Variants in MED31 observed in about 807,000 individuals in gnomAD.
MED31 encodes the protein mediator of RNA polymerase II transcription subunit 31.
MED31 carries 11 observed loss-of-function variants against 22.0 expected under a neutral mutation model. The observed-to-expected ratio is 0.50, with a 90% CI of 0.31 to 0.83. The LOEUF is 0.83. Among genes scored for constraint, MED31 ranks in the 40% least tolerant of loss-of-function variants. The pLI, the probability that MED31 is intolerant of heterozygous loss-of-function variation, is 0.04. For synonymous variants in MED31, 60 were observed against 55.1 expected (o/e 1.09, Z -0.40); for missense variants, 122 against 155.3 (o/e 0.79, Z 1.14).
Position 6,643,806 on chromosome 17 carries a change from G to A in MED31, c.*661C>T. On this transcript the variant is annotated 3_prime_UTR_variant, in exon 4 of 4. Transcript: ENST00000225728. Reference sequence around the variant, plus strand: ...CAAATCAATGGTAGCTTTCCCAAATGAACACAAGTATTTGAGGCTCCTCAT... The same window carrying A: ...CAAATCAATGGTAGCTTTCCCAAATAAACACAAGTATTTGAGGCTCCTCAT... 1 of 281,748 alleles carries A rather than the reference G, an allele frequency of 3.5e-6. No homozygotes were observed. Among genetic ancestry groups the A allele is most frequent in the Non-Finnish European group, 6.6e-6 (1 of 152,318 alleles). The allele number at this position is 281,748 out of a possible 1,614,324, so 17.5% of individuals were successfully genotyped here.
intron 2 of MED31, 74 bp downstream of exon 2, chr17:6,650,282 C>A: frequency 6.9e-7 from 1 of 1,448,552 alleles, no homozygotes; most frequent in South Asian, 1.2e-5. Flanking sequence ...AAAGTAGATA[C>A]TATTTTGAAC....
At position 6,643,881 on chromosome 17, in the gene MED31, T is replaced by G. The variant is rs748091607; in HGVS notation, c.*586A>C. On this transcript the variant is annotated 3_prime_UTR_variant, in exon 4 of 4. Coordinates refer to ENST00000225728, the MANE Select transcript of MED31 (RefSeq NM_016060.3). ...GTTAGTAACTAACCACTAGTTGTCC[T>G]GCCATGACTAGGTCAAGTGAGGCCA... 6 of 379,506 alleles carry G rather than the reference T, an allele frequency of 1.6e-5. No individual in the cohort carries two copies. Among genetic ancestry groups the G allele is most frequent in the African/African-American group, 2.1e-5 (1 of 48,200 alleles). The allele number at this position is 379,506 out of a possible 1,614,324, so 23.5% of individuals were successfully genotyped here. A position where few individuals can be genotyped will look rare whatever the true frequency, so the allele number is the denominator to read the frequency against.
At chr17:6,649,607 A>C (rs983649109) in intron 3 of MED31, among the ~76,000 whole-genome samples, 1 of 152,254 alleles carries the variant, frequency 6.6e-6, no homozygotes, top group African/African-American at 2.4e-5. Context: ...GCCAGATCGT[A>C]TAAGGCTTTA....
At chr17:6,648,509 C>T (rs1972789923) in intron 3 of MED31, among the ~76,000 whole-genome samples, 1 of 152,200 alleles carries the variant, frequency 6.6e-6, no homozygotes, top group Non-Finnish European at 1.5e-5. Context: ...TCTATGGTTA[C>T]TAGATCTTCC....
intron 3 of MED31, among the ~76,000 whole-genome samples, chr17:6,644,888 A>G (rs1318760307): frequency 3.3e-5 from 5 of 152,260 alleles, no homozygotes; most frequent in Non-Finnish European, 7.3e-5. Flanking sequence ...TAACTTGCTC[A>G]AGACCACACA....
rs2150947301 is a variant in MED31, at chr17:6,644,200, C to T, written c.*267G>A. The T allele has an allele frequency of 2.1e-6, 1 of 478,186 alleles. No individual in the cohort carries two copies. The highest frequency in any genetic ancestry group is 3.3e-5 in the East Asian group (1 of 30,362). The allele number at this position is 478,186 out of a possible 1,614,324, so 29.6% of individuals were successfully genotyped here. ...CCAGTGCCTTATTTGGTCTAAAGCACCTAACTTTTCCATTCTTAATCAGCT... is the reference window on the plus strand; with the variant it reads ...CCAGTGCCTTATTTGGTCTAAAGCATCTAACTTTTCCATTCTTAATCAGCT... On this transcript the variant is annotated 3_prime_UTR_variant, in exon 4 of 4. Transcript: ENST00000225728.
At chr17:6,645,445 C>T (rs1383198642) in intron 3 of MED31, among the ~76,000 whole-genome samples, 1 of 152,066 alleles carries the variant, frequency 6.6e-6, no homozygotes, top group Non-Finnish European at 1.5e-5. Flanking sequence ...ACTGTGGTTT[C>T]CAAGGAGCAG....
Position 6,650,136 on chromosome 17 carries a change from G to C in MED31, c.107-58C>G, listed in dbSNP as rs72835786. The C allele has an allele frequency of 0.099, 146,035 of 1,480,552 alleles. 7,839 individuals carry two copies. The highest frequency in any genetic ancestry group is 0.12 in the African/African-American group (8,408 of 70,112). The allele number at this position is 1,480,552 out of a possible 1,614,324, so 91.7% of individuals were successfully genotyped here. ...CAAACCAATCCTTAAACTGTGATTT[G>C]TTACCCCTAATATAAAGGATCTATT... On this transcript the variant is annotated intron_variant, in intron 2 of 3. Transcript: ENST00000225728.
At chr17:6,647,507 T>C (rs1026224881) in intron 3 of MED31, among the ~76,000 whole-genome samples, 17 of 152,304 alleles carry the variant, frequency 1.1e-4, no homozygotes, top group African/African-American at 4.1e-4. Flanking sequence ...AGGCCTGGAG[T>C]GGGGCCTGAG....
chr17:6,650,330 A>G lies in MED31; in HGVS notation c.106+26T>C, dbSNP rs1972818252. On this transcript the variant is annotated intron_variant, in intron 2 of 3. Transcript: ENST00000225728. ...GTCAGAAATCATTAATAGCTACTCA[A>G]TTTAATGAGGTGCTTAACAACTTAC... 5.0e-6 allele frequency: 8 copies of G among 1,598,804 alleles called. No homozygotes were observed. In the African/African-American group the frequency reaches 8.1e-5, roughly 16 times the overall value.
chr17:6,650,443 A>G lies in MED31; in HGVS notation c.29-10T>C. 1.2e-6 allele frequency: 2 copies of G among 1,613,522 alleles called. No individual in the cohort carries two copies. The highest frequency in any genetic ancestry group is 1.7e-6 in the Non-Finnish European group (2 of 1,179,592). ...CGATTTCCAGCATCATCTAGGAGAC[A>G]AGACAGCAAAAATCATGGAAAACAA... On this transcript the variant is annotated splice_polypyrimidine_tract_variant and intron_variant, in intron 1 of 3. Transcript: ENST00000225728.
chr17:6,650,204 C>A, intron 2 of MED31, 126 bp from the exon 3 acceptor site: 1 of 1,236,036 alleles, frequency 8.1e-7, no homozygotes, highest in Non-Finnish European at 1.1e-6. Flanking sequence ...ATTCAAAACA[C>A]AAGTCCCAGT....
chr17:6,644,996 T>C lies in MED31; in HGVS notation c.204-337A>G, dbSNP rs1036449840. On this transcript the variant is annotated intron_variant, in intron 3 of 3. Coordinates refer to ENST00000225728, the MANE Select transcript of MED31 (RefSeq NM_016060.3). Reference sequence around the variant, plus strand: ...GAAGAACATGAACATATTTTAGTAATTATGTGTTTAATTGATAGTTACTCA... The same window carrying C: ...GAAGAACATGAACATATTTTAGTAACTATGTGTTTAATTGATAGTTACTCA... 2.0e-5 allele frequency among the ~76,000 whole-genome samples: 3 copies of C among 152,190 alleles called. No individual in the cohort carries two copies. The East Asian group carries it at 5.8e-4, about 29-fold the overall frequency.
chr17:6,649,052 T>C (rs766322939), intron 3 of MED31, among the ~76,000 whole-genome samples: 49 of 152,090 alleles, frequency 3.2e-4, no homozygotes, highest in Non-Finnish European at 6.0e-4. Context: ...ATAAGACGTA[T>C]GTGCTTCGTG....
chr17:6,649,810 A>G (rs1972809303), intron 3 of MED31, 172 bp downstream of exon 3: 1 of 598,020 alleles, frequency 1.7e-6, no homozygotes, highest in Non-Finnish European at 2.6e-6. Context: ...ACAGATAACC[A>G]GGGAGTAGAT....
rs566095684 is a variant in MED31 at position 6,643,586 on chromosome 17, C to G, written c.*881G>C. 1 of 153,090 alleles carries G rather than the reference C, an allele frequency of 6.5e-6. No individual in the cohort carries two copies. Among genetic ancestry groups the G allele is most frequent in the African/African-American group, 2.4e-5 (1 of 41,598 alleles). The allele number at this position is 153,090 out of a possible 1,614,324, so 9.5% of individuals were successfully genotyped here. On this transcript the variant is annotated 3_prime_UTR_variant, in exon 4 of 4. Coordinates refer to ENST00000225728, the MANE Select transcript of MED31 (RefSeq NM_016060.3). ...AGGTGGCGGAGAGCGGCCGGAAAGA[C>G]TCTATAACCCAGTTCTGGGAAGAAC...
In MED31 at chr17:6,650,076, G is replaced by C; in HGVS notation, c.109C>G (p.Leu37Val). The C allele has an allele frequency of 6.3e-7, 1 of 1,583,820 alleles. No homozygotes were observed. The highest frequency in any genetic ancestry group is 1.2e-5 in the South Asian group (1 of 84,994). The stretch of plus-strand genomic sequence containing the variant: ...TCTTTGAAGTAACCTCTTTGGGCAA[G>C]AACTGAAAAGCATTAAAAAAAAAAA... ...CLANPNYLNF[L>V]AQRGYFKDKA... Residue 37 changes from leucine to valine, a missense_variant and splice_region_variant, in exon 3 of 4, where the codon CTT (leucine) becomes GTT (valine). Transcript: ENST00000225728.
At chr17:6,646,057 T>C (rs1972763271) in intron 3 of MED31, among the ~76,000 whole-genome samples, 1 of 152,136 alleles carries the variant, frequency 6.6e-6, no homozygotes, top group Non-Finnish European at 1.5e-5. Flanking sequence ...TCTGTCATAG[T>C]CATGGAAAAG....
In MED31 at chr17:6,651,120, C is replaced by CAA. The variant is rs57965628; in HGVS notation, c.28+379_28+380dup. Among the ~76,000 whole-genome samples, 34 of 49,066 alleles carry CAA rather than the reference C, an allele frequency of 6.9e-4. 3 individuals are homozygous for CAA. Among genetic ancestry groups the CAA allele is most frequent in the Non-Finnish European group, 9.0e-4 (26 of 28,788 alleles). The allele number at this position is 49,066 out of a possible 152,430, so 32.2% of individuals were successfully genotyped here. On this transcript the variant is annotated intron_variant, in intron 1 of 3. Coordinates refer to ENST00000225728, the MANE Select transcript of MED31 (RefSeq NM_016060.3). ...TGGGCGACAGAGCCAGACGCTGTCT[C>CAA]AAAAAAAAAAAAAAAAAGAAGCACC...
Sources: allele counts gnomAD v4.1 joint callset (sites outside exome capture counted in the v4.1 genomes callset), GRCh38; gene constraint gnomAD v4.1.1; transcripts MANE v1.5; gene names NCBI Gene and HGNC (gene_info 2026-07-23, HGNC 2026-07-21).